Variants in SORCS3 observed in about 807,000 individuals in gnomAD.
SORCS3 encodes VPS10 domain-containing receptor SorCS3.
SORCS3 carries 57 observed loss-of-function variants against 146.3 expected under a neutral mutation model. That is an observed-to-expected ratio of 0.39 (90% CI 0.31 to 0.49). The LOEUF is 0.49. Ranked by LOEUF, SORCS3 falls within the 20% of genes least tolerant of loss-of-function variation. The probability of loss-of-function intolerance (pLI) is 0.92; values close to 1 mark genes in which losing one functional copy is unlikely to be tolerated. For missense variants in SORCS3, 1,341 were observed against 1,575.5 expected (o/e 0.85, Z 2.52); for synonymous variants, 653 against 618.5 (o/e 1.06, Z -0.83).
At chr10:104,962,438 G>A (rs1355831486) in intron 3 of SORCS3, among the ~76,000 whole-genome samples, 1 of 152,116 alleles carries the variant, frequency 6.6e-6, no homozygotes, top group African/African-American at 2.4e-5. Context: ...CTGGGCTGGG[G>A]GAAATCCATT....
Position 104,752,983 on chromosome 10 carries a change from G to T in SORCS3, c.628-89809G>T, listed in dbSNP as rs533468945. The stretch of plus-strand genomic sequence containing the variant: ...CAACCAACCAAACAAACAAACAAAT[G>T]AACAAATGGACAAACAAACTTTCAT... On this transcript the variant is annotated intron_variant, in intron 1 of 26. Transcript: ENST00000369701. 6.6e-5 allele frequency among the ~76,000 whole-genome samples: 10 copies of T among 151,768 alleles called. No homozygotes were observed. In the South Asian group the frequency reaches 2.1e-3, roughly 32 times the overall value.
intron 1 of SORCS3, among the ~76,000 whole-genome samples, chr10:104,772,987 C>T (rs1312492532): frequency 6.6e-6 from 1 of 152,168 alleles, no homozygotes; most frequent in Non-Finnish European, 1.5e-5. Flanking sequence ...TAGTAAATTA[C>T]TTGCAAATGT....
intron 3 of SORCS3, among the ~76,000 whole-genome samples, chr10:104,947,785 G>A (rs1235886136): frequency 1.3e-5 from 2 of 151,982 alleles, no homozygotes; most frequent in Admixed American, 1.3e-4. Context: ...ACCATGCCTG[G>A]CTAATTTTTG....
intron 19 of SORCS3, among the ~76,000 whole-genome samples, chr10:105,222,832 G>T (rs2056711998): frequency 6.6e-6 from 1 of 152,188 alleles, no homozygotes. Context: ...TAGTAAATCA[G>T]CTTTGTCCTT....
intron 26 of SORCS3, among the ~76,000 whole-genome samples, chr10:105,262,730 C>T (rs533762970): frequency 1.3e-5 from 2 of 152,228 alleles, no homozygotes; most frequent in African/African-American, 4.8e-5. Context: ...GGGATGAAGC[C>T]AACTATCCAT....
chr10:104,796,657 T>G (rs1034931915), intron 1 of SORCS3, among the ~76,000 whole-genome samples: 3 of 152,220 alleles, frequency 2.0e-5, no homozygotes, highest in Admixed American at 6.5e-5. Context: ...AATAGCCAAT[T>G]TAAATAAGTA....
At chr10:105,209,263 C>A (rs1410479054) in intron 16 of SORCS3, among the ~76,000 whole-genome samples, 2 of 152,078 alleles carry the variant, frequency 1.3e-5, no homozygotes, top group African/African-American at 4.8e-5. Flanking sequence ...TTCCAAGCCT[C>A]CCAAGTAGCT....
intron 1 of SORCS3, among the ~76,000 whole-genome samples, chr10:104,757,613 G>A (rs1398785064): frequency 6.6e-6 from 1 of 152,142 alleles, no homozygotes; most frequent in Non-Finnish European, 1.5e-5. Context: ...TGTTGGGTTG[G>A]GGGGATTTTC....
At chr10:104,849,615 C>A (rs1445933247) in intron 2 of SORCS3, among the ~76,000 whole-genome samples, 1 of 152,046 alleles carries the variant, frequency 6.6e-6, no homozygotes, top group Non-Finnish European at 1.5e-5. Flanking sequence ...TCTCTTTGAG[C>A]CTCAGTTTAC....
rs138710523 is a variant in SORCS3, at chr10:105,223,120, T to C, written c.2739T>C (p.Pro913=). The C allele has an allele frequency of 3.0e-5, 49 of 1,606,748 alleles. No homozygotes were observed. The African/African-American group carries it at 5.6e-4, about 18-fold the overall frequency. Residue 913 remains proline (P), a synonymous_variant, in exon 20 of 27, where the codon CCT becomes CCC. Transcript: ENST00000369701. The stretch of plus-strand genomic sequence containing the variant: ...TTTTTTTTTCTGTTTCCTTAGGTCC[T>C]GTGGAGCATGTTCATCTCCGAGTTC... The part of the protein sequence containing the change: ...TAVLFLHVVC[P]VEHVHLRVPF...
intron 1 of SORCS3, among the ~76,000 whole-genome samples, chr10:104,759,053 G>C (rs1418286973): frequency 6.6e-6 from 1 of 152,184 alleles, no homozygotes; most frequent in East Asian, 1.9e-4. Flanking sequence ...AGAATGTCAT[G>C]CTGGAGTAGG....
intron 13 of SORCS3, among the ~76,000 whole-genome samples, chr10:105,176,628 G>T (rs1589673381): frequency 6.6e-6 from 1 of 151,974 alleles, no homozygotes. Context: ...GGCCTAGGTG[G>T]GTGGGTTACG....
intron 7 of SORCS3, among the ~76,000 whole-genome samples, chr10:105,109,734 A>G (rs952158245): frequency 6.6e-5 from 10 of 152,028 alleles, no homozygotes; most frequent in African/African-American, 2.4e-4. Context: ...TTCAATACTT[A>G]AAGCCTTTAA....
At chr10:104,883,391 A>G (rs1238734598) in intron 2 of SORCS3, among the ~76,000 whole-genome samples, 1 of 152,202 alleles carries the variant, frequency 6.6e-6, no homozygotes, top group Non-Finnish European at 1.5e-5. Flanking sequence ...CTTTCTGTAG[A>G]TGGTGTCATT....
chr10:105,189,070 T>C (rs2056497071), intron 14 of SORCS3, among the ~76,000 whole-genome samples: 1 of 152,204 alleles, frequency 6.6e-6, no homozygotes, highest in East Asian at 1.9e-4. Flanking sequence ...TACAGTTCAT[T>C]TATCTACATA....
At chr10:105,111,557 T>C in intron 7 of SORCS3, among the ~76,000 whole-genome samples, 1 of 152,226 alleles carries the variant, frequency 6.6e-6, no homozygotes, top group Middle Eastern at 3.2e-3. Flanking sequence ...AATTGACAAT[T>C]GCTCAATGCG....
At chr10:104,921,158 G>A (rs111587246) in intron 3 of SORCS3, among the ~76,000 whole-genome samples, 1,677 of 152,318 alleles carry the variant, frequency 0.011, 17 homozygotes, top group Middle Eastern at 0.02. Context: ...ACATCCCTGG[G>A]TTCCCAGAAC....
intron 7 of SORCS3, among the ~76,000 whole-genome samples, chr10:105,112,923 A>T (rs1407214636): frequency 6.6e-6 from 1 of 152,158 alleles, no homozygotes; most frequent in African/African-American, 2.4e-5. Context: ...ATTTGGTTTT[A>T]GTGCTAACAG....
chr10:104,646,016 CA>C (rs1333877356), intron 1 of SORCS3, among the ~76,000 whole-genome samples: 1 of 151,924 alleles, frequency 6.6e-6, no homozygotes, highest in African/African-American at 2.4e-5. Context: ...AGGGTTTTGC[CA>C]AAAAAATTGT....
Sources: allele counts gnomAD v4.1 joint callset (sites outside exome capture counted in the v4.1 genomes callset), GRCh38; gene constraint gnomAD v4.1.1; transcripts MANE v1.5; gene names NCBI Gene and HGNC (gene_info 2026-07-23, HGNC 2026-07-21).